ANKIB1: variants seen among roughly 807,000 people sequenced by gnomAD.
The protein encoded by ANKIB1 is ankyrin repeat and IBR domain containing 1.
A neutral mutation model predicts 122.1 loss-of-function variants in ANKIB1; 43 were observed. The observed-to-expected ratio is 0.35, with a 90% confidence interval of 0.28 to 0.45. The LOEUF (loss-of-function observed/expected upper bound fraction) is 0.45. Among genes scored for constraint, ANKIB1 ranks in the 20% least tolerant of loss-of-function variants. The pLI is 1.00. For missense variants in ANKIB1, 992 were observed against 1,329.5 expected (o/e 0.75, Z 3.95); for synonymous variants, 390 against 442.0 (o/e 0.88, Z 1.48).
chr7:92,299,637 A>G (rs1802421824), intron 2 of ANKIB1, among the ~76,000 whole-genome samples: 1 of 152,218 alleles, frequency 6.6e-6, no homozygotes. Context: ...GCTGTCTTCC[A>G]TTAGACTAGA....
At chr7:92,332,805 C>A (rs924332352) in intron 5 of ANKIB1, among the ~76,000 whole-genome samples, 1 of 152,124 alleles carries the variant, frequency 6.6e-6, no homozygotes, top group Admixed American at 6.6e-5. Context: ...TACATTTCTC[C>A]CCCCTGGACT....
chr7:92,342,796 T>C (rs1207053218), intron 5 of ANKIB1, among the ~76,000 whole-genome samples: 1 of 152,210 alleles, frequency 6.6e-6, no homozygotes. Context: ...ACCATACTGC[T>C]AGATCTTGAC....
intron 4 of ANKIB1, among the ~76,000 whole-genome samples, chr7:92,325,757 T>C (rs556576416): frequency 6.6e-6 from 1 of 152,306 alleles, no homozygotes; most frequent in South Asian, 2.1e-4. Flanking sequence ...TCTGAAATAA[T>C]TTTTGAAGAG....
intron 9 of ANKIB1, among the ~76,000 whole-genome samples, chr7:92,359,614 A>G (rs1803898669): frequency 6.6e-6 from 1 of 152,162 alleles, no homozygotes; most frequent in Admixed American, 6.6e-5. Flanking sequence ...GTCAAATGGT[A>G]TTTCTAGTTC....
intron 3 of ANKIB1, among the ~76,000 whole-genome samples, chr7:92,310,359 GT>G (rs1317704187): frequency 3.3e-5 from 5 of 152,030 alleles, no homozygotes; most frequent in African/African-American, 7.2e-5. Flanking sequence ...ATTTATTCTA[GT>G]TTTTTATAAC....
chr7:92,272,491 TGAG>T (rs1801817848), intron 1 of ANKIB1, among the ~76,000 whole-genome samples: 1 of 152,136 alleles, frequency 6.6e-6, no homozygotes. Context: ...TCTAGCAAAA[TGAG>T]GGCATAGTTC....
chr7:92,362,032 A>T (rs935688305), intron 9 of ANKIB1, among the ~76,000 whole-genome samples, 153 bp from the exon 10 acceptor site: 1 of 152,086 alleles, frequency 6.6e-6, no homozygotes, highest in Non-Finnish European at 1.5e-5. Flanking sequence ...GCTGGTCTCG[A>T]ACTCCTGACC....
chr7:92,333,198 C>T (rs1259863540), intron 5 of ANKIB1, among the ~76,000 whole-genome samples: 2 of 152,148 alleles, frequency 1.3e-5, no homozygotes, highest in Admixed American at 6.6e-5. Flanking sequence ...CCTATTCTTC[C>T]TATCTCTAGT....
chr7:92,390,948 T>A lies in ANKIB1; in HGVS notation c.2053-218T>A, dbSNP rs75507371. Among the ~76,000 whole-genome samples the A allele has an allele frequency of 2.2e-3, 334 of 152,300 alleles. 1 individual carries two copies. The highest frequency in any genetic ancestry group is 7.4e-3 in the African/African-American group (309 of 41,572). On this transcript the variant is annotated intron_variant, in intron 15 of 19. Coordinates refer to ENST00000265742, the MANE Select transcript of ANKIB1 (RefSeq NM_019004.2). ...AATGCCTATCAAATGAGCGCTTTTTTAAAAATTCACATGATTTTATATACA... is the reference window on the plus strand; with the variant it reads ...AATGCCTATCAAATGAGCGCTTTTTAAAAAATTCACATGATTTTATATACA...
chr7:92,272,877 A>G (rs1025302318), intron 1 of ANKIB1, among the ~76,000 whole-genome samples: 11 of 152,276 alleles, frequency 7.2e-5, no homozygotes, highest in East Asian at 3.9e-4. Flanking sequence ...GTAAAAGCCT[A>G]TTGCTCCTAG....
rs545995075 is a variant in ANKIB1 at position 92,307,663 on chromosome 7, T to G, written c.486+7T>G. 7 of 1,328,252 alleles carry G rather than the reference T, an allele frequency of 5.3e-6. No individual in the cohort carries two copies. The East Asian group carries it at 1.3e-4, about 25-fold the overall frequency. The allele number at this position is 1,328,252 out of a possible 1,614,324, so 82.3% of individuals were successfully genotyped here. ...GATGAAAGCCTGTGTAGAGGTAAAT[T>G]TTTTTTTTTTTTAATATTCTGCATT... On this transcript the variant is annotated splice_region_variant and intron_variant, in intron 3 of 19. Coordinates refer to ENST00000265742, the MANE Select transcript of ANKIB1 (RefSeq NM_019004.2).
chr7:92,270,670 C>T (rs981484872), intron 1 of ANKIB1, among the ~76,000 whole-genome samples: 2 of 151,018 alleles, frequency 1.3e-5, no homozygotes, highest in African/African-American at 2.4e-5. Flanking sequence ...CCTGTATAGT[C>T]GTACCCTCTG....
In ANKIB1 at chr7:92,307,635, A is replaced by G. The variant is rs756587770; in HGVS notation, c.465A>G (p.Ser155=). Residue 155 remains serine, a synonymous_variant, in exon 3 of 20, where the codon TCA becomes TCG. Coordinates refer to ENST00000265742, the MANE Select transcript of ANKIB1 (RefSeq NM_019004.2). ...KNTPLHYAAA[S]GMKACVELLV... ...CACCCTTGCACTATGCTGCTGCCTC[A>G]GGGATGAAAGCCTGTGTAGAGGTAA... 3.1e-6 allele frequency: 5 copies of G among 1,603,590 alleles called. No individual in the cohort carries two copies. Among genetic ancestry groups the G allele is most frequent in the Non-Finnish European group, 4.3e-6 (5 of 1,175,582 alleles).
intron 11 of ANKIB1, among the ~76,000 whole-genome samples, chr7:92,374,602 G>A (rs2115651910): frequency 6.6e-6 from 1 of 152,198 alleles, no homozygotes; most frequent in East Asian, 1.9e-4. Context: ...CAAGGGTAAT[G>A]AAAATACTAC....
intron 4 of ANKIB1, among the ~76,000 whole-genome samples, chr7:92,321,000 GT>G (rs1407436812): frequency 1.3e-5 from 2 of 152,060 alleles, no homozygotes; most frequent in Non-Finnish European, 2.9e-5. Flanking sequence ...GGCATTTGCA[GT>G]TGTTCTTTCC....
Position 92,286,912 on chromosome 7 carries a change from A to G in ANKIB1, c.-90-7977A>G, listed in dbSNP as rs534606501. Among the ~76,000 whole-genome samples, 5 of 152,298 alleles carry G rather than the reference A, an allele frequency of 3.3e-5. No homozygotes were observed. In the South Asian group the frequency reaches 6.2e-4, roughly 19 times the overall value. ...TATCCAGAATCCAGACAACTTCTCAACACCTCTGTTGCTACAGTCCTGGTA... is the reference window on the plus strand; with the variant it reads ...TATCCAGAATCCAGACAACTTCTCAGCACCTCTGTTGCTACAGTCCTGGTA... On this transcript the variant is annotated intron_variant, in intron 1 of 19. Transcript: ENST00000265742.
chr7:92,273,855 C>T (rs1179340910), intron 1 of ANKIB1, among the ~76,000 whole-genome samples: 2 of 152,030 alleles, frequency 1.3e-5, no homozygotes, highest in African/African-American at 4.8e-5. Flanking sequence ...TTACTGCAGC[C>T]TTGACCTCCT....
chr7:92,271,148 A>G (rs749104041), intron 1 of ANKIB1, among the ~76,000 whole-genome samples: 1 of 152,028 alleles, frequency 6.6e-6, no homozygotes, highest in Non-Finnish European at 1.5e-5. Flanking sequence ...TTGTCCTTGT[A>G]TCTTAGGTGA....
At chr7:92,356,165 G>A (rs906823781) in intron 9 of ANKIB1, among the ~76,000 whole-genome samples, 1 of 152,100 alleles carries the variant, frequency 6.6e-6, no homozygotes, top group African/African-American at 2.4e-5. Flanking sequence ...TTTATTCAGA[G>A]CAGTAGTTGC....
Sources: allele counts gnomAD v4.1 joint callset (sites outside exome capture counted in the v4.1 genomes callset), GRCh38; gene constraint gnomAD v4.1.1; transcripts MANE v1.5; gene names NCBI Gene and HGNC (gene_info 2026-07-23, HGNC 2026-07-21).